The following RAPGEF4 variants were observed in gnomAD, a reference collection of about 807,000 sequenced individuals.
RAPGEF4 encodes RAP guanine-nucleotide-exchange factor (GEF) 4.
In RAPGEF4, 66 loss-of-function variants were observed where a neutral mutation model predicts 147.9. The ratio of observed to expected loss-of-function variants is 0.45; its 90% CI spans 0.37 to 0.55. RAPGEF4 has a LOEUF of 0.55. RAPGEF4 is among the 20% of genes least tolerant of loss of function. RAPGEF4 has a pLI of 0.00. For missense variants in RAPGEF4, 1,071 were observed against 1,257.3 expected (o/e 0.85, Z 2.24); for synonymous variants, 419 against 442.7 (o/e 0.95, Z 0.67).
intron 4 of RAPGEF4, among the ~76,000 whole-genome samples, chr2:172,871,040 T>A (rs1695186226): frequency 6.6e-6 from 1 of 152,218 alleles, no homozygotes; most frequent in Non-Finnish European, 1.5e-5. Flanking sequence ...TGTTTAAATG[T>A]GGCTTTTCCA....
At chr2:172,844,833 A>C (rs1401771878) in intron 4 of RAPGEF4, among the ~76,000 whole-genome samples, 3 of 152,220 alleles carry the variant, frequency 2.0e-5, no homozygotes, top group Non-Finnish European at 4.4e-5. Context: ...TGATAGTTTC[A>C]GTTTAATGTC....
chr2:172,865,508 A>G (rs534212319), intron 4 of RAPGEF4, among the ~76,000 whole-genome samples: 1 of 152,356 alleles, frequency 6.6e-6, no homozygotes, highest in African/African-American at 2.4e-5. Flanking sequence ...CTTAAAATAT[A>G]TAGCTAGATT....
chr2:172,902,448 A>G (rs1052660488), intron 4 of RAPGEF4, among the ~76,000 whole-genome samples: 3 of 152,022 alleles, frequency 2.0e-5, no homozygotes, highest in Non-Finnish European at 4.4e-5. Context: ...GACTACAGGC[A>G]TGCCCCACTA....
At chr2:172,834,831 T>A (rs1477663409) in intron 4 of RAPGEF4, among the ~76,000 whole-genome samples, 4 of 152,218 alleles carry the variant, frequency 2.6e-5, no homozygotes, top group African/African-American at 9.6e-5. Flanking sequence ...ATCGAAATAG[T>A]CTTGAAAGAA....
At chr2:172,912,107 A>G (rs1381427145) in intron 4 of RAPGEF4, among the ~76,000 whole-genome samples, 1 of 152,140 alleles carries the variant, frequency 6.6e-6, no homozygotes, top group Admixed American at 6.5e-5. Flanking sequence ...CTTCTGAATC[A>G]TGTTCTCTTT....
intron 6 of RAPGEF4, among the ~76,000 whole-genome samples, chr2:172,931,039 C>G (rs1685867441): frequency 6.6e-6 from 1 of 152,118 alleles, no homozygotes; most frequent in East Asian, 1.9e-4. Context: ...TTTGCCAGTT[C>G]CCATCCCTGA....
intron 4 of RAPGEF4, among the ~76,000 whole-genome samples, chr2:172,825,073 A>G (rs1197683975): frequency 1.3e-5 from 2 of 152,218 alleles, no homozygotes; most frequent in East Asian, 1.9e-4. Context: ...CATTATATAT[A>G]CAGATGCTCC....
At chr2:172,790,273 C>T (rs992076326) in intron 1 of RAPGEF4, among the ~76,000 whole-genome samples, 2 of 152,148 alleles carry the variant, frequency 1.3e-5, no homozygotes, top group Non-Finnish European at 2.9e-5. Context: ...TATTCAAGTC[C>T]TTAGGCTATT....
At position 173,016,331 on chromosome 2, in the gene RAPGEF4, G is replaced by A. The variant is rs1022973082; in HGVS notation, c.1810-18G>A. On this transcript the variant is annotated intron_variant, in intron 18 of 30. Coordinates refer to ENST00000397081, the MANE Select transcript of RAPGEF4 (RefSeq NM_007023.4). ...TTTGCAGTTCTTGTTAAAAGCCTGT[G>A]ACTTTTGCCAATTACAGGAGTTTTA... is the stretch of plus-strand genomic sequence containing the variant. 1.3e-6 allele frequency: 2 copies of A among 1,583,216 alleles called. No individual in the cohort carries two copies. Among genetic ancestry groups the A allele is most frequent in the East Asian group, 4.5e-5 (2 of 44,742 alleles).
chr2:172,752,752 A>G (rs1695411411), intron 1 of RAPGEF4, among the ~76,000 whole-genome samples: 2 of 152,248 alleles, frequency 1.3e-5, no homozygotes, highest in African/African-American at 2.4e-5. Flanking sequence ...AGCTTCATCT[A>G]TAAGGCATAG....
intron 1 of RAPGEF4, among the ~76,000 whole-genome samples, chr2:172,742,293 T>A (rs949538940): frequency 1.3e-4 from 20 of 152,342 alleles, no homozygotes; most frequent in Middle Eastern, 3.4e-3. Flanking sequence ...TAAGTTGCAT[T>A]TAGTTGATAT....
chr2:172,925,071 C>G (rs915449722), intron 6 of RAPGEF4, among the ~76,000 whole-genome samples: 1 of 152,240 alleles, frequency 6.6e-6, no homozygotes, highest in African/African-American at 2.4e-5. Context: ...AGCTCCGCCT[C>G]CCGGCTCACG....
intron 3 of RAPGEF4, 97 bp from the exon 4 acceptor site, chr2:172,814,182 G>GT (rs1197800528): frequency 2.4e-6 from 3 of 1,261,744 alleles, no homozygotes; most frequent in Admixed American, 3.7e-5. Flanking sequence ...TAAATTGGGT[G>GT]TTTTGCCTTG....
At position 173,006,989 on chromosome 2, in the gene RAPGEF4, T is replaced by A. The variant is rs1694543737; in HGVS notation, c.1658+5645T>A. Among the ~76,000 whole-genome samples the A allele has an allele frequency of 2.6e-5, 4 of 152,332 alleles. No individual in the cohort carries two copies. In the South Asian group the frequency reaches 8.3e-4, roughly 32 times the overall value. On this transcript the variant is annotated intron_variant, in intron 17 of 30. Coordinates refer to ENST00000397081, the MANE Select transcript of RAPGEF4 (RefSeq NM_007023.4). ...TGGTGATGTTATGAACATGATATGC[T>A]TTTTGGGAAAAAAATGACTGTCATC...
Position 172,793,806 on chromosome 2 carries a change from AT to A in RAPGEF4, c.66-1210del, listed in dbSNP as rs962155878. Among the ~76,000 whole-genome samples, 3 of 151,672 alleles carry A rather than the reference AT, an allele frequency of 2.0e-5. No individual in the cohort carries two copies. The East Asian group carries it at 5.8e-4, about 29-fold the overall frequency. The stretch of plus-strand genomic sequence containing the variant: ...TCAGCAGGTTGCATCTATTCCAGAG[AT>A]TTTTTTTTATGTGTGTGGCCCACAC... On this transcript the variant is annotated intron_variant, in intron 1 of 30. Transcript: ENST00000397081.
chr2:173,040,980 A>T lies in RAPGEF4; in HGVS notation c.2853+4288A>T, dbSNP rs573476898. 2.0e-5 allele frequency among the ~76,000 whole-genome samples: 3 copies of T among 152,198 alleles called. No homozygotes were observed. The South Asian group carries it at 6.2e-4, about 32-fold the overall frequency. ...GCTGCATAAAGCATGCTGATAAGAG[A>T]TTGGTTCTATTTCAGACATACCCAT... is the stretch of plus-strand genomic sequence containing the variant. On this transcript the variant is annotated intron_variant, in intron 29 of 30. Transcript: ENST00000397081.
chr2:172,954,122 T>C (rs1294247046), intron 6 of RAPGEF4, among the ~76,000 whole-genome samples: 3 of 152,152 alleles, frequency 2.0e-5, no homozygotes, highest in African/African-American at 7.2e-5. Context: ...GGGGTTGAAG[T>C]AGGTAAAACT....
chr2:172,748,496 A>G (rs1303683664), intron 1 of RAPGEF4, among the ~76,000 whole-genome samples: 6 of 152,138 alleles, frequency 3.9e-5, no homozygotes, highest in Non-Finnish European at 5.9e-5. Flanking sequence ...ATCTCATGAG[A>G]CTTATCCACT....
intron 8 of RAPGEF4, among the ~76,000 whole-genome samples, chr2:172,962,660 A>G (rs1164708536): frequency 6.6e-6 from 1 of 152,100 alleles, no homozygotes; most frequent in Admixed American, 6.5e-5. Flanking sequence ...AGTGTATTAC[A>G]TTTAGATTGG....
Sources: gnomAD v4.1 joint callset for allele counts (sites outside exome capture counted in the v4.1 genomes callset) on GRCh38, gnomAD v4.1.1 for gene constraint, MANE v1.5 for transcripts, NCBI Gene and HGNC (gene_info 2026-07-23, HGNC 2026-07-21) for gene names.